The following PHIP variants were observed in gnomAD, a reference collection of about 807,000 sequenced individuals.
PHIP encodes the protein PHIP subunit of CUL4-Ring ligase complex.
In PHIP, 54 loss-of-function variants were observed where a neutral mutation model predicts 236.8. The observed-to-expected ratio is 0.23, with a 90% CI of 0.18 to 0.29. The LOEUF (loss-of-function observed/expected upper bound fraction) is 0.29. PHIP is among the 10% of genes least tolerant of loss of function. The pLI, the probability that PHIP is intolerant of heterozygous loss-of-function variation, is 1.00. For synonymous variants in PHIP, 756 were observed against 718.9 expected (o/e 1.05, Z -0.83); for missense variants, 1,370 against 2,190.8 (o/e 0.63, Z 7.48).
At chr6:79,064,708 T>C (rs556327255) in intron 4 of PHIP, among the ~76,000 whole-genome samples, 1 of 152,318 alleles carries the variant, frequency 6.6e-6, no homozygotes, top group Admixed American at 6.5e-5. Flanking sequence ...TATACTCCTC[T>C]ATATAGCCAT....
At chr6:78,999,933 G>C (rs981177706) in intron 17 of PHIP, among the ~76,000 whole-genome samples, 3 of 151,880 alleles carry the variant, frequency 2.0e-5, no homozygotes, top group African/African-American at 4.8e-5. Flanking sequence ...GGAAAACCAT[G>C]TTGCAATACT....
At position 78,940,225 on chromosome 6, in the gene PHIP, CTG is replaced by C. The variant is rs1773418258; in HGVS notation, c.*466_*467del. 2 of 152,062 alleles carry C rather than the reference CTG, an allele frequency of 1.3e-5. No individual in the cohort carries two copies. The highest frequency in any genetic ancestry group is 3.9e-4 in the East Asian group (2 of 5,186). 9.4% of individuals were successfully genotyped at this position (152,062 alleles called of 1,614,324 possible). ...AAACATTTCTTAATTCACTGCTACT[CTG>C]TATAACATCTATCTTTTAGGGGCAT... On this transcript the variant is annotated 3_prime_UTR_variant, in exon 40 of 40. Transcript: ENST00000275034.
chr6:78,959,441 T>A (rs1355349004), intron 31 of PHIP, among the ~76,000 whole-genome samples: 1 of 152,164 alleles, frequency 6.6e-6, no homozygotes, highest in South Asian at 2.1e-4. Context: ...TAGAAAACTG[T>A]GTGTAAAATA....
At chr6:78,965,545 C>A (rs1027518469) in intron 29 of PHIP, among the ~76,000 whole-genome samples, 158 bp downstream of exon 29, 2 of 152,164 alleles carry the variant, frequency 1.3e-5, no homozygotes, top group African/African-American at 4.8e-5. Context: ...ACTGCTGAAT[C>A]TCCCCTACTT....
At chr6:79,068,026 A>G (rs1475042258) in intron 4 of PHIP, 2 of 159,042 alleles carry the variant, frequency 1.3e-5, no homozygotes, top group Middle Eastern at 7.9e-4. Context: ...AAATTTTGCC[A>G]TTATCTCAGT....
intron 35 of PHIP, among the ~76,000 whole-genome samples, chr6:78,952,713 AT>A (rs1391992251): frequency 6.6e-6 from 1 of 152,090 alleles, no homozygotes; most frequent in Non-Finnish European, 1.5e-5. Flanking sequence ...GTAATTATAC[AT>A]TTCATTTCCA....
At chr6:78,941,872 A>C (rs957009281) in intron 39 of PHIP, among the ~76,000 whole-genome samples, 23 of 152,312 alleles carry the variant, frequency 1.5e-4, no homozygotes, top group Admixed American at 1.5e-3. Flanking sequence ...TCCATGATAA[A>C]AGGCCATTAT....
rs1467699242 is a variant in PHIP, at chr6:79,015,229, T to C, written c.1390-13A>G. On this transcript the variant is annotated splice_polypyrimidine_tract_variant and intron_variant, in intron 14 of 39. Transcript: ENST00000275034. ...CATCTTCATGACCCTGAAATATTTT[T>C]GAAGTGTCAAAGAATCATAGATATT... 6.3e-7 allele frequency: 1 copy of C among 1,597,310 alleles called. No homozygotes were observed. Among genetic ancestry groups the C allele is most frequent in the Non-Finnish European group, 8.6e-7 (1 of 1,165,812 alleles).
At chr6:79,059,968 T>G (rs1228392304) in intron 6 of PHIP, among the ~76,000 whole-genome samples, 1 of 151,982 alleles carries the variant, frequency 6.6e-6, no homozygotes, top group Non-Finnish European at 1.5e-5. Flanking sequence ...GGCAAGAAGA[T>G]TAGTTTGGAT....
intron 20 of PHIP, among the ~76,000 whole-genome samples, chr6:78,988,845 A>T (rs1180480789): frequency 6.6e-6 from 1 of 152,166 alleles, no homozygotes; most frequent in African/African-American, 2.4e-5. Flanking sequence ...ATGTAAGAAA[A>T]AGGATAATGG....
At chr6:79,021,919 G>A (rs1271659692) in intron 9 of PHIP, among the ~76,000 whole-genome samples, 1 of 152,028 alleles carries the variant, frequency 6.6e-6, no homozygotes, top group East Asian at 1.9e-4. Context: ...AAGGGATGGA[G>A]ACCCCCTTTA....
chr6:78,993,112 T>C (rs544784600), intron 19 of PHIP, among the ~76,000 whole-genome samples: 1 of 152,354 alleles, frequency 6.6e-6, no homozygotes, highest in East Asian at 1.9e-4. Context: ...AGCTACAACA[T>C]TCCCTTAAGC....
intron 31 of PHIP, among the ~76,000 whole-genome samples, chr6:78,960,822 A>C (rs770020396): frequency 9.9e-5 from 15 of 152,114 alleles, no homozygotes; most frequent in Non-Finnish European, 2.1e-4. Context: ...AATAAAATTT[A>C]AGTCATAAAA....
At chr6:79,019,714 C>T (rs574506374) in intron 9 of PHIP, among the ~76,000 whole-genome samples, 2 of 152,182 alleles carry the variant, frequency 1.3e-5, no homozygotes, top group African/African-American at 4.8e-5. Flanking sequence ...TACTTTGACT[C>T]TTACGTCAAC....
chr6:78,978,785 A>T, intron 23 of PHIP, 74 bp from the exon 24 acceptor site: 4 of 1,170,172 alleles, frequency 3.4e-6, no homozygotes, highest in Non-Finnish European at 4.9e-6. Flanking sequence ...TCTTTAAAAT[A>T]ACTATAAAGA....
intron 4 of PHIP, among the ~76,000 whole-genome samples, chr6:79,072,679 G>A (rs989242333): frequency 3.3e-5 from 5 of 151,770 alleles, no homozygotes; most frequent in African/African-American, 1.2e-4. Context: ...GTAGAGATGG[G>A]GTTTTCCATT....
chr6:79,019,716 T>C (rs984065835), intron 9 of PHIP, among the ~76,000 whole-genome samples: 1 of 152,106 alleles, frequency 6.6e-6, no homozygotes, highest in African/African-American at 2.4e-5. Context: ...CTTTGACTCT[T>C]ACGTCAACTA....
chr6:79,043,568 CTT>C (rs958477369), intron 6 of PHIP, among the ~76,000 whole-genome samples: 1 of 151,954 alleles, frequency 6.6e-6, no homozygotes, highest in African/African-American at 2.4e-5. Context: ...ATAATGATTC[CTT>C]CTCTGGAATC....
chr6:79,044,026 G>A (rs919167786), intron 6 of PHIP, among the ~76,000 whole-genome samples: 1 of 151,710 alleles, frequency 6.6e-6, no homozygotes, highest in Admixed American at 6.6e-5. Flanking sequence ...TCTCAGTATT[G>A]CTTATATTAT....
Sources: gnomAD v4.1 joint callset for allele counts (sites outside exome capture counted in the v4.1 genomes callset) on GRCh38, gnomAD v4.1.1 for gene constraint, MANE v1.5 for transcripts, NCBI Gene and HGNC (gene_info 2026-07-23, HGNC 2026-07-21) for gene names.